Variants in SYN3 observed in about 807,000 individuals in gnomAD.
SYN3 encodes the protein synapsin-3.
A neutral mutation model predicts 65.8 loss-of-function variants in SYN3; 35 were observed. That is an observed-to-expected ratio of 0.53 (90% CI 0.41 to 0.70). The LOEUF (loss-of-function observed/expected upper bound fraction) is 0.70, where lower values mean the gene tolerates loss of function less well. Among genes scored for constraint, SYN3 ranks in the 30% least tolerant of loss-of-function variants. SYN3 has a pLI of 0.00. For missense variants in SYN3, 680 were observed against 749.0 expected (o/e 0.91, Z 1.08); for synonymous variants, 270 against 292.9 (o/e 0.92, Z 0.80).
At chr22:32,930,329 T>C (rs2050593384) in intron 4 of SYN3, among the ~76,000 whole-genome samples, 1 of 152,158 alleles carries the variant, frequency 6.6e-6, no homozygotes, top group Non-Finnish European at 1.5e-5. Context: ...CTGCACAGGC[T>C]CTCGTTCTCT....
At chr22:32,737,691 T>A (rs1046064355) in intron 6 of SYN3, among the ~76,000 whole-genome samples, 1 of 152,222 alleles carries the variant, frequency 6.6e-6, no homozygotes, top group African/African-American at 2.4e-5. Flanking sequence ...GCTATATCTA[T>A]TCCTGTCCAC....
rs1054790990 is a variant in SYN3, at chr22:32,507,969, A to G, written c.*5723T>C. Among the ~76,000 whole-genome samples the G allele has an allele frequency of 3.4e-5, 5 of 147,002 alleles. No individual in the cohort carries two copies. The highest frequency in any genetic ancestry group is 1.4e-4 in the African/African-American group (5 of 36,572). On this transcript the variant is annotated 3_prime_UTR_variant, in exon 14 of 14. Coordinates refer to ENST00000358763, the MANE Select transcript of SYN3 (RefSeq NM_003490.4). Reference sequence around the variant, plus strand: ...CCCACTCGAAGCAGCCCTGAGAAACATCGCCCATTCTCTCTCCATACCACC... The same window carrying G: ...CCCACTCGAAGCAGCCCTGAGAAACGTCGCCCATTCTCTCTCCATACCACC...
intron 1 of SYN3, among the ~76,000 whole-genome samples, chr22:33,025,429 G>A (rs534667963): frequency 1.4e-4 from 11 of 78,948 alleles, no homozygotes; most frequent in African/African-American, 6.0e-4. Flanking sequence ...GCAAGACTCC[G>A]TCTCAAAAAA....
intron 3 of SYN3, among the ~76,000 whole-genome samples, chr22:32,938,756 G>A (rs370807032): frequency 3.3e-5 from 5 of 151,852 alleles, no homozygotes; most frequent in South Asian, 2.1e-4. Flanking sequence ...GCAAAACCTC[G>A]TCTCTACTAA....
At chr22:32,991,745 G>A (rs1220533362) in intron 2 of SYN3, among the ~76,000 whole-genome samples, 1 of 152,138 alleles carries the variant, frequency 6.6e-6, no homozygotes, top group Non-Finnish European at 1.5e-5. Flanking sequence ...TCTGAAGATG[G>A]CAATTAGCTT....
intron 7 of SYN3, among the ~76,000 whole-genome samples, chr22:32,574,238 C>T (rs1025081024): frequency 2.2e-4 from 33 of 152,026 alleles, no homozygotes; most frequent in African/African-American, 7.7e-4. Context: ...CCCAGCCACT[C>T]GGGAGGCTGA....
chr22:32,574,602 T>C (rs1206713768), intron 7 of SYN3, among the ~76,000 whole-genome samples: 1 of 152,230 alleles, frequency 6.6e-6, no homozygotes, highest in Non-Finnish European at 1.5e-5. Context: ...TTCTCTGACC[T>C]CATCTCCTAC....
At chr22:32,715,096 G>A (rs2061018234) in intron 6 of SYN3, among the ~76,000 whole-genome samples, 1 of 152,130 alleles carries the variant, frequency 6.6e-6, no homozygotes, top group Non-Finnish European at 1.5e-5. Flanking sequence ...TTCTTGAAGT[G>A]GTATTCAGTA....
chr22:32,643,060 A>G (rs1185956052), intron 6 of SYN3, among the ~76,000 whole-genome samples: 1 of 152,006 alleles, frequency 6.6e-6, no homozygotes, highest in Admixed American at 6.6e-5. Context: ...TTTTTTGAGG[A>G]AGTTATTTGT....
intron 6 of SYN3, among the ~76,000 whole-genome samples, chr22:32,677,966 T>C (rs2060469704): frequency 6.6e-6 from 1 of 151,950 alleles, no homozygotes; most frequent in Non-Finnish European, 1.5e-5. Flanking sequence ...GGTAAGGAGA[T>C]GTAAATAATG....
rs141957118 is a variant in SYN3, at chr22:32,731,342, C to G, written c.711+133573G>C. On this transcript the variant is annotated intron_variant, in intron 6 of 13. Transcript: ENST00000358763. ...GGGTTGGGGGCATCTTTGCACCCAA[C>G]TTTACTGGGTGACCTAGAAAAAGTA... Among the ~76,000 whole-genome samples, 1,120 of 152,240 alleles carry G rather than the reference C, an allele frequency of 7.4e-3. 14 individuals carry two copies. The highest frequency in any genetic ancestry group is 0.026 in the African/African-American group (1,089 of 41,544).
At chr22:32,880,613 C>A (rs984393229) in intron 4 of SYN3, among the ~76,000 whole-genome samples, 1 of 152,122 alleles carries the variant, frequency 6.6e-6, no homozygotes, top group Non-Finnish European at 1.5e-5. Flanking sequence ...GAGAAGGCCA[C>A]GGGTACAGCA....
chr22:32,979,069 T>C (rs2052295296), intron 3 of SYN3, among the ~76,000 whole-genome samples: 1 of 151,592 alleles, frequency 6.6e-6, no homozygotes, highest in African/African-American at 2.4e-5. Flanking sequence ...TGGTGGCACA[T>C]GCCTGTAGTC....
rs941117553 is a variant in SYN3, at chr22:32,741,303, C to T, written c.711+123612G>A. Among the ~76,000 whole-genome samples the T allele has an allele frequency of 5.3e-5, 8 of 151,256 alleles. No homozygotes were observed. In the South Asian group the frequency reaches 1.0e-3, roughly 20 times the overall value. On this transcript the variant is annotated intron_variant, in intron 6 of 13. Coordinates refer to ENST00000358763, the MANE Select transcript of SYN3 (RefSeq NM_003490.4). ...AGAGGTAAGCAACTTGCCTAAGGTG[C>T]CAAAGCTGGGATTCAGACCCAAGCA...
chr22:32,633,796 T>C (rs1206489658), intron 6 of SYN3, among the ~76,000 whole-genome samples: 1 of 149,492 alleles, frequency 6.7e-6, no homozygotes, highest in East Asian at 1.9e-4. Flanking sequence ...ATTTTTTTTT[T>C]CTTTTTTTTG....
intron 6 of SYN3, among the ~76,000 whole-genome samples, chr22:32,838,187 T>G (rs2047790292): frequency 6.6e-6 from 1 of 152,202 alleles, no homozygotes; most frequent in Non-Finnish European, 1.5e-5. Context: ...AGATGCATAG[T>G]TCCTCAAATA....
At chr22:32,761,911 A>G (rs1406829643) in intron 6 of SYN3, among the ~76,000 whole-genome samples, 1 of 152,104 alleles carries the variant, frequency 6.6e-6, no homozygotes, top group Non-Finnish European at 1.5e-5. Flanking sequence ...CGGGATGGGG[A>G]AGGGGAAGAC....
At chr22:32,535,353 T>A (rs1457734027) in intron 9 of SYN3, among the ~76,000 whole-genome samples, 1 of 152,228 alleles carries the variant, frequency 6.6e-6, no homozygotes, top group African/African-American at 2.4e-5. Flanking sequence ...TACATCAGAA[T>A]CACCAGGAGA....
At chr22:32,878,441 C>A (rs944002477) in intron 4 of SYN3, among the ~76,000 whole-genome samples, 25 of 152,142 alleles carry the variant, frequency 1.6e-4, no homozygotes, top group Non-Finnish European at 2.6e-4. Flanking sequence ...CCTTAACAGA[C>A]CTTCAGCTTC....
Sources: allele counts gnomAD v4.1 joint callset (sites outside exome capture counted in the v4.1 genomes callset), GRCh38; gene constraint gnomAD v4.1.1; transcripts MANE v1.5; gene names NCBI Gene and HGNC (gene_info 2026-07-23, HGNC 2026-07-21).